RBFOX1: variants seen among roughly 807,000 people sequenced by gnomAD.
RBFOX1 encodes RNA binding fox-1 homolog 1.
In RBFOX1, 8 loss-of-function variants were observed where a neutral mutation model predicts 57.7. The ratio of observed to expected loss-of-function variants is 0.14; its 90% CI spans 0.08 to 0.25. RBFOX1 has a LOEUF of 0.25. Among genes scored for constraint, RBFOX1 ranks in the 10% least tolerant of loss-of-function variants. The pLI is 1.00. For synonymous variants in RBFOX1, 326 were observed against 222.4 expected, an observed-to-expected ratio of 1.47 and a Z score of -4.15; for missense variants, 611 against 548.5, an observed-to-expected ratio of 1.11 and a Z score of -1.14.
chr16:5,358,198 C>G (rs1405951786), intron 1 of RBFOX1, among the ~76,000 whole-genome samples: 6 of 151,976 alleles, frequency 3.9e-5, no homozygotes, highest in African/African-American at 1.5e-4. Context: ...TCACCCTGAC[C>G]TCTACCTTCA....
rs914579185 is a variant in RBFOX1, at chr16:6,019,492, C to T, written c.-627C>T. ...GGGAATCCCTCCCCCTCCGCCCCAG[C>T]CCCCCAGCAGCACCCGCGGTGGGGC... On this transcript the variant is annotated 5_prime_UTR_variant, in exon 1 of 16. Transcript: ENST00000550418. The surrounding 1 kb of genome is among the most constrained non-coding windows in gnomAD (Gnocchi z 4.2). 5 of 1,015,804 alleles carry T rather than the reference C, an allele frequency of 4.9e-6. No homozygotes were observed. The highest frequency in any genetic ancestry group is 5.9e-6 in the Non-Finnish European group (5 of 850,002). The allele number at this position is 1,015,804 out of a possible 1,614,324, so 62.9% of individuals were successfully genotyped here. A position where few individuals can be genotyped will look rare whatever the true frequency, so the allele number is the denominator to read the frequency against.
At chr16:5,730,610 G>C (rs73522301) in intron 3 of RBFOX1, among the ~76,000 whole-genome samples, 1 of 150,906 alleles carries the variant, frequency 6.6e-6, no homozygotes, top group African/African-American at 2.4e-5. Flanking sequence ...CACCACTGCC[G>C]TTGTCACCAC....
intron 2 of RBFOX1, among the ~76,000 whole-genome samples, chr16:5,470,152 C>G (rs1235981759): frequency 6.6e-6 from 1 of 152,192 alleles, no homozygotes; most frequent in Non-Finnish European, 1.5e-5. Flanking sequence ...GGAACAGAGC[C>G]GAGGTCTCAA....
intron 3 of RBFOX1, among the ~76,000 whole-genome samples, chr16:6,866,541 A>ATTTTTTTTTTTT (rs56678526): frequency 0.049 from 3,844 of 78,654 alleles, 641 homozygotes; most frequent in Middle Eastern, 0.1. Context: ...CTTTCCTTCT[A>ATTTTTTTTTTTT]TTTTTTTTTT....
At chr16:7,683,841 T>TG (rs1555774072) in intron 14 of RBFOX1, among the ~76,000 whole-genome samples, 1 of 150,972 alleles carries the variant, frequency 6.6e-6, no homozygotes, top group Non-Finnish European at 1.5e-5. Flanking sequence ...TTTCTATTGC[T>TG]AAAAAAAAAC....
intron 3 of RBFOX1, among the ~76,000 whole-genome samples, chr16:5,863,164 T>C (rs1229486951): frequency 6.6e-6 from 1 of 152,146 alleles, no homozygotes; most frequent in Non-Finnish European, 1.5e-5. Context: ...ACTGAGTTCC[T>C]AGCACAAGTG....
At chr16:7,476,686 C>A (rs984417356) in intron 4 of RBFOX1, among the ~76,000 whole-genome samples, 1 of 152,024 alleles carries the variant, frequency 6.6e-6, no homozygotes, top group African/African-American at 2.4e-5. Flanking sequence ...AAAATTAAAT[C>A]CCTCACTTCA....
At chr16:5,283,067 C>G (rs548134533) in intron 1 of RBFOX1, among the ~76,000 whole-genome samples, 1 of 152,276 alleles carries the variant, frequency 6.6e-6, no homozygotes, top group East Asian at 1.9e-4. Context: ...CTAAAAGGAG[C>G]CAAGATACAA....
intron 14 of RBFOX1, among the ~76,000 whole-genome samples, chr16:7,705,975 C>G (rs540504837): frequency 6.6e-6 from 1 of 152,150 alleles, no homozygotes; most frequent in East Asian, 1.9e-4. Context: ...TATAGCTGGT[C>G]GTGTCCTAAC....
chr16:5,422,180 G>T (rs1051999226), intron 1 of RBFOX1, among the ~76,000 whole-genome samples: 1 of 151,884 alleles, frequency 6.6e-6, no homozygotes, highest in Non-Finnish European at 1.5e-5. Context: ...TAGAGGAAGA[G>T]AGAGAGGGAG....
At chr16:5,818,194 T>C (rs2055713574) in intron 3 of RBFOX1, among the ~76,000 whole-genome samples, 1 of 152,188 alleles carries the variant, frequency 6.6e-6, no homozygotes, top group Non-Finnish European at 1.5e-5. Flanking sequence ...GGCTGTGTGT[T>C]AGGAGGTTTC....
intron 3 of RBFOX1, among the ~76,000 whole-genome samples, chr16:6,807,258 G>T (rs1485969380): frequency 1.3e-5 from 2 of 152,044 alleles, no homozygotes; most frequent in Admixed American, 1.3e-4. Flanking sequence ...TTAAACTAAG[G>T]TATTGAGGGA....
chr16:5,549,898 C>G (rs78906215), intron 2 of RBFOX1, among the ~76,000 whole-genome samples: 2,666 of 152,188 alleles, frequency 0.018, 39 homozygotes, highest in Non-Finnish European at 0.025. Context: ...ATGAGTGTGG[C>G]TCATAACTTG....
At chr16:6,918,672 G>A (rs980259221) in intron 3 of RBFOX1, among the ~76,000 whole-genome samples, 3 of 152,080 alleles carry the variant, frequency 2.0e-5, no homozygotes, top group East Asian at 1.9e-4. Context: ...CCTACCCAAT[G>A]GGCATATCTC....
intron 3 of RBFOX1, among the ~76,000 whole-genome samples, chr16:6,977,913 A>C (rs1367672848): frequency 3.0e-5 from 4 of 135,060 alleles, no homozygotes; most frequent in Admixed American, 1.5e-4. Context: ...CCAAGAGGAA[A>C]CTGCCTCTTC....
chr16:5,667,519 G>A (rs2049886120), intron 3 of RBFOX1, among the ~76,000 whole-genome samples: 1 of 152,340 alleles, frequency 6.6e-6, no homozygotes, highest in South Asian at 2.1e-4. Flanking sequence ...GTGAGTGAGC[G>A]AGGTCCATTA....
At chr16:7,025,863 C>T (rs541530580) in intron 3 of RBFOX1, among the ~76,000 whole-genome samples, 1 of 152,244 alleles carries the variant, frequency 6.6e-6, no homozygotes, top group Admixed American at 6.5e-5. Flanking sequence ...AAAGCTCCAG[C>T]AACCAGGATG....
Position 6,757,412 on chromosome 16 carries a change from C to T in RBFOX1, c.-16+102762C>T, listed in dbSNP as rs79595657. The stretch of plus-strand genomic sequence containing the variant: ...ATCAACCTAAGTATCCATTAAGAGA[C>T]GATTAGATTAAAAATGTGGTATATA... On this transcript the variant is annotated intron_variant, in intron 3 of 15. Coordinates refer to ENST00000550418, the MANE Select transcript of RBFOX1 (RefSeq NM_018723.4). 7.4e-3 allele frequency among the ~76,000 whole-genome samples: 1,125 copies of T among 152,048 alleles called. 11 individuals are homozygous for T. Among genetic ancestry groups the T allele is most frequent in the African/African-American group, 0.025 (1,041 of 41,462 alleles).
At chr16:6,656,727 A>G (rs962392707) in intron 3 of RBFOX1, among the ~76,000 whole-genome samples, 5 of 152,146 alleles carry the variant, frequency 3.3e-5, no homozygotes, top group Non-Finnish European at 7.3e-5. Context: ...ACTTGACCTC[A>G]TATGACTGAT....
Sources: gnomAD v4.1 joint callset for allele counts (sites outside exome capture counted in the v4.1 genomes callset) on GRCh38, gnomAD v4.1.1 for gene constraint, Gnocchi (gnomAD v3.1) non-coding constraint, MANE v1.5 for transcripts, NCBI Gene and HGNC (gene_info 2026-07-23, HGNC 2026-07-21) for gene names.